The following CFAP299 variants were observed in gnomAD, a reference collection of about 807,000 sequenced individuals.
CFAP299 encodes the protein cilia and flagella associated protein 299.
CFAP299 carries 21 observed loss-of-function variants against 27.0 expected under a neutral mutation model. The observed-to-expected ratio is 0.78, with a 90% CI of 0.55 to 1.12. CFAP299 has a LOEUF of 1.12. CFAP299 is among the 50% of genes most tolerant of loss of function. The pLI is 0.00. For missense variants in CFAP299, 310 were observed against 276.6 expected, an observed-to-expected ratio of 1.12 and a Z score of -0.86; for synonymous variants, 104 against 98.1, an observed-to-expected ratio of 1.06 and a Z score of -0.36.
chr4:80,710,566 C>A (rs549707197), intron 3 of CFAP299, among the ~76,000 whole-genome samples: 57 of 86,948 alleles, frequency 6.6e-4, no homozygotes, highest in African/African-American at 2.4e-3. Context: ...AATTCACATA[C>A]GAGAAATAAG....
intron 3 of CFAP299, among the ~76,000 whole-genome samples, chr4:80,583,728 G>A (rs1736290028): frequency 6.6e-6 from 1 of 151,810 alleles, no homozygotes; most frequent in African/African-American, 2.4e-5. Flanking sequence ...AATATTATTT[G>A]GAATAAAGAT....
chr4:80,360,520 A>G (rs1723489398), intron 1 of CFAP299, among the ~76,000 whole-genome samples: 1 of 152,246 alleles, frequency 6.6e-6, no homozygotes, highest in Admixed American at 6.5e-5. Context: ...CTGAGTGATA[A>G]GATCATAGTG....
intron 3 of CFAP299, among the ~76,000 whole-genome samples, chr4:80,754,544 G>A (rs887120175): frequency 7.8e-6 from 1 of 128,890 alleles, no homozygotes; most frequent in Non-Finnish European, 1.5e-5. Context: ...AAAGTGAGAG[G>A]ATGGATCTGG....
At chr4:80,577,064 C>T (rs963935554) in intron 2 of CFAP299, among the ~76,000 whole-genome samples, 1 of 152,130 alleles carries the variant, frequency 6.6e-6, no homozygotes, top group African/African-American at 2.4e-5. Context: ...TGTTCCTTCT[C>T]CCCAGTGAAT....
At chr4:80,526,252 T>C (rs1560608248) in intron 2 of CFAP299, among the ~76,000 whole-genome samples, 1 of 152,084 alleles carries the variant, frequency 6.6e-6, no homozygotes, top group Admixed American at 6.6e-5. Context: ...GTAAAGAAAA[T>C]ATATTCATTT....
chr4:80,644,032 A>G (rs757860100), intron 3 of CFAP299, among the ~76,000 whole-genome samples: 2 of 152,174 alleles, frequency 1.3e-5, no homozygotes, highest in Admixed American at 6.6e-5. Flanking sequence ...AGTTGAATGC[A>G]TCATAGTGTT....
chr4:80,345,230 T>A (rs1292465442), intron 1 of CFAP299, among the ~76,000 whole-genome samples: 1 of 152,168 alleles, frequency 6.6e-6, no homozygotes, highest in African/African-American at 2.4e-5. Flanking sequence ...TGATCCTATA[T>A]CTAGAAAATC....
chr4:80,531,960 C>T (rs1174096067), intron 2 of CFAP299, among the ~76,000 whole-genome samples: 2 of 151,856 alleles, frequency 1.3e-5, no homozygotes, highest in African/African-American at 4.8e-5. Context: ...TCTCCATTGT[C>T]GGTCAGGCTA....
the CFAP299 span, among the ~76,000 whole-genome samples, chr4:80,321,409 C>T: frequency 6.6e-6 from 1 of 152,120 alleles, no homozygotes; most frequent in Non-Finnish European, 1.5e-5. Context: ...AAACAACCTC[C>T]ACAATGAAAC....
intron 3 of CFAP299, among the ~76,000 whole-genome samples, chr4:80,848,095 CA>C (rs1306607914): frequency 6.6e-6 from 1 of 151,736 alleles, no homozygotes; most frequent in Non-Finnish European, 1.5e-5. Flanking sequence ...CCCGTAGTGC[CA>C]GCTACTCGGG....
chr4:80,642,535 G>A (rs1739780423), intron 3 of CFAP299, among the ~76,000 whole-genome samples: 1 of 151,804 alleles, frequency 6.6e-6, no homozygotes, highest in South Asian at 2.1e-4. Context: ...GGAGGCCACG[G>A]CAGGTGGATC....
intron 2 of CFAP299, among the ~76,000 whole-genome samples, chr4:80,566,618 C>G (rs1293084778): frequency 1.3e-5 from 2 of 152,198 alleles, no homozygotes; most frequent in South Asian, 2.1e-4. Flanking sequence ...TCAGCGTTCT[C>G]CAGAGTAATA....
chr4:80,838,820 C>G (rs1730708500), intron 3 of CFAP299, among the ~76,000 whole-genome samples: 2 of 151,834 alleles, frequency 1.3e-5, no homozygotes, highest in South Asian at 4.2e-4. Context: ...ATTTTTTAAC[C>G]TATTGAGTGG....
chr4:80,404,719 T>C (rs1726328039), intron 2 of CFAP299, among the ~76,000 whole-genome samples: 1 of 152,212 alleles, frequency 6.6e-6, no homozygotes, highest in Admixed American at 6.5e-5. Flanking sequence ...TCTTTTGGCC[T>C]TTGTGAATGA....
At chr4:80,574,795 C>A (rs1347489620) in intron 2 of CFAP299, among the ~76,000 whole-genome samples, 1 of 152,110 alleles carries the variant, frequency 6.6e-6, no homozygotes, top group African/African-American at 2.4e-5. Context: ...CTCCTTGAAT[C>A]CCTGGGATAA....
At chr4:80,622,038 G>A (rs1738632519) in intron 3 of CFAP299, among the ~76,000 whole-genome samples, 1 of 152,134 alleles carries the variant, frequency 6.6e-6, no homozygotes, top group South Asian at 2.1e-4. Context: ...TAAACAAGTT[G>A]AGATTATAGT....
chr4:80,714,309 T>C (rs1274483216), intron 3 of CFAP299, among the ~76,000 whole-genome samples: 2 of 152,150 alleles, frequency 1.3e-5, no homozygotes, highest in Non-Finnish European at 1.5e-5. Flanking sequence ...TTGTAAACAG[T>C]CATATGAGAT....
At chr4:80,435,371 A>G (rs1469467977) in intron 2 of CFAP299, among the ~76,000 whole-genome samples, 1 of 152,248 alleles carries the variant, frequency 6.6e-6, no homozygotes, top group Non-Finnish European at 1.5e-5. Flanking sequence ...TTTGAACACT[A>G]CGTTCAAATT....
chr4:80,642,780 TA>T (rs1739794988), intron 3 of CFAP299, among the ~76,000 whole-genome samples: 2 of 151,990 alleles, frequency 1.3e-5, no homozygotes, highest in African/African-American at 2.4e-5. Flanking sequence ...ATAAAAAAAG[TA>T]AAAAATTTTT....
Sources: gnomAD v4.1 joint callset for allele counts (sites outside exome capture counted in the v4.1 genomes callset) on GRCh38, gnomAD v4.1.1 for gene constraint, MANE v1.5 for transcripts, NCBI Gene and HGNC (gene_info 2026-07-23, HGNC 2026-07-21) for gene names.